The following VHL variants were observed in gnomAD, a reference collection of about 807,000 sequenced individuals.
VHL encodes the protein von Hippel-Lindau tumor suppressor.
In VHL, 10 loss-of-function variants were observed where a neutral mutation model predicts 19.2. That is an observed-to-expected ratio of 0.52 (90% CI 0.32 to 0.89). VHL has a LOEUF of 0.89. Ranked by LOEUF, VHL falls within the 40% of genes least tolerant of loss-of-function variation. The probability of loss-of-function intolerance (pLI) is 0.03; values close to 1 mark genes in which losing one functional copy is unlikely to be tolerated. For synonymous variants in VHL, 167 were observed against 129.5 expected (o/e 1.29, Z -1.97); for missense variants, 328 against 292.7 (o/e 1.12, Z -0.88).
chr3:10,146,504 G>A lies in VHL; in HGVS notation c.341-10G>A, dbSNP rs140064807. ...TGTGGCTCTTTAACAACCTTTGCTT[G>A]TCCCGATAGGTCACCTTTGGCTCTT... is the stretch of plus-strand genomic sequence containing the variant. On this transcript the variant is annotated splice_polypyrimidine_tract_variant and intron_variant, in intron 1 of 2. Coordinates refer to ENST00000256474, the MANE Select transcript of VHL (RefSeq NM_000551.4). 1 of 1,613,364 alleles carries A rather than the reference G, an allele frequency of 6.2e-7. No homozygotes were observed. The highest frequency in any genetic ancestry group is 8.5e-7 in the Non-Finnish European group (1 of 1,179,494).
At chr3:10,146,786 T>C (rs1369098699) in intron 2 of VHL, 150 bp downstream of exon 2, 1 of 1,103,356 alleles carries the variant, frequency 9.1e-7, no homozygotes, top group Admixed American at 1.9e-5. Flanking sequence ...ATAAATAAAA[T>C]GGAAGTGATG....
In VHL at chr3:10,150,176, C is replaced by G. The variant is rs1429641363; in HGVS notation, c.*211C>G. The G allele has an allele frequency of 4.2e-6, 6 of 1,422,464 alleles. No individual in the cohort carries two copies. Among genetic ancestry groups the G allele is most frequent in the Non-Finnish European group, 4.6e-6 (5 of 1,088,208 alleles). 88.1% of individuals were successfully genotyped at this position (1,422,464 alleles called of 1,614,324 possible). On this transcript the variant is annotated 3_prime_UTR_variant, in exon 3 of 3. Coordinates refer to ENST00000256474, the MANE Select transcript of VHL (RefSeq NM_000551.4). ...TCACAAAATGTAATTTAATGCCTGC[C>G]CATTAGAGAAGTATTTATCAGGAGA...
In VHL at chr3:10,152,864, C is replaced by G. The variant is rs1057459387; in HGVS notation, c.*2899C>G. On this transcript the variant is annotated 3_prime_UTR_variant, in exon 3 of 3. Transcript: ENST00000256474. Reference sequence around the variant, plus strand: ...GCTCCTCTTGTTAAAACCTGCAGGCCGAGCACAGTGGCTCATGCCTGTAAT... The same window carrying G: ...GCTCCTCTTGTTAAAACCTGCAGGCGGAGCACAGTGGCTCATGCCTGTAAT... 6.6e-6 allele frequency among the ~76,000 whole-genome samples: 1 copy of G among 152,064 alleles called. No homozygotes were observed. The highest frequency in any genetic ancestry group is 1.5e-5 in the Non-Finnish European group (1 of 68,018).
chr3:10,146,473 C>A lies in VHL; in HGVS notation c.341-41C>A, dbSNP rs1431049410. ...ACAGGTGTGGGCCACCGTGCCCAGC[C>A]ACCGGTGTGGCTCTTTAACAACCTT... On this transcript the variant is annotated intron_variant, in intron 1 of 2. Transcript: ENST00000256474. 3 of 1,611,228 alleles carry A rather than the reference C, an allele frequency of 1.9e-6. No homozygotes were observed. In the East Asian group the frequency reaches 6.7e-5, roughly 36 times the overall value.
At chr3:10,142,512 ATTTTTATAT>A (rs971386878) in intron 1 of VHL, 32 of 349,858 alleles carry the variant, frequency 9.1e-5, no homozygotes, top group African/African-American at 5.9e-4. Flanking sequence ...CGCCCGGCTG[ATTTTTATAT>A]TTTTAGTAGA....
At position 10,146,507 on chromosome 3, in the gene VHL, C is replaced by G. The variant is rs1308495590; in HGVS notation, c.341-7C>G. On this transcript the variant is annotated splice_polypyrimidine_tract_variant and splice_region_variant and intron_variant, in intron 1 of 2. Transcript: ENST00000256474. ...GGCTCTTTAACAACCTTTGCTTGTC[C>G]CGATAGGTCACCTTTGGCTCTTCAG... 6.2e-7 allele frequency: 1 copy of G among 1,613,476 alleles called. No homozygotes were observed. The highest frequency in any genetic ancestry group is 2.2e-5 in the East Asian group (1 of 44,858).
At position 10,141,972 on chromosome 3, in the gene VHL, A is replaced by C. The variant is rs1064796244; in HGVS notation, c.125A>C (p.Glu42Ala). Residue 42 changes from glutamate (E) to alanine (A), a missense_variant, in exon 1 of 3, where the codon GAG becomes GCG. Physicochemically the swap from Glu to Ala is moderately radical, Grantham distance 107. Coordinates refer to ENST00000256474, the MANE Select transcript of VHL (RefSeq NM_000551.4). Reference sequence around the variant, plus strand: ...GGCGCCGAGGAGTCCGGCCCGGAAGAGTCCGGCCCGGAGGAACTGGGCGCC... The same window carrying C: ...GGCGCCGAGGAGTCCGGCCCGGAAGCGTCCGGCCCGGAGGAACTGGGCGCC... ...ESGAEESGPEESGPEELGAEE... is the reference protein window; with the variant it reads ...ESGAEESGPEASGPEELGAEE... 1 of 1,558,662 alleles carries C rather than the reference A, an allele frequency of 6.4e-7. No individual in the cohort carries two copies. Among genetic ancestry groups the C allele is most frequent in the Non-Finnish European group, 8.7e-7 (1 of 1,152,680 alleles).
At chr3:10,142,237 T>C (rs939045044) in intron 1 of VHL, 50 bp downstream of exon 1, 1 of 1,563,352 alleles carries the variant, frequency 6.4e-7, no homozygotes, top group Non-Finnish European at 8.6e-7. Flanking sequence ...TAGCACGGTC[T>C]GAAGCCCCTC....
At position 10,151,349 on chromosome 3, in the gene VHL, A is replaced by G; in HGVS notation, c.*1384A>G. 1 of 215,904 alleles carries G rather than the reference A, an allele frequency of 4.6e-6. No homozygotes were observed. Among genetic ancestry groups the G allele is most frequent in the East Asian group, 7.0e-5 (1 of 14,382 alleles). The allele number at this position is 215,904 out of a possible 1,614,324, so 13.4% of individuals were successfully genotyped here. A position where few individuals can be genotyped will look rare whatever the true frequency, so the allele number is the denominator to read the frequency against. On this transcript the variant is annotated 3_prime_UTR_variant, in exon 3 of 3. Transcript: ENST00000256474. ...AACTCAAATTCAATGCTTCTATCAG[A>G]CTCAGTTTTTTGTAACTAATAGATT... is the stretch of plus-strand genomic sequence containing the variant.
chr3:10,142,028 C>G lies in VHL; in HGVS notation c.181C>G (p.Pro61Ala), dbSNP rs113612866. 4 of 1,597,790 alleles carry G rather than the reference C, an allele frequency of 2.5e-6. No individual in the cohort carries two copies. In the African/African-American group the frequency reaches 4.0e-5, roughly 16 times the overall value. Residue 61 changes from proline (P) to alanine (A), a missense_variant, in exon 1 of 3, where the codon CCC becomes GCC. Transcript: ENST00000256474. The stretch of plus-strand genomic sequence containing the variant: ...GGAGATGGAGGCCGGGCGGCCGCGG[C>G]CCGTGCTGCGCTCGGTGAACTCGCG... The part of the protein sequence containing the change: ...EEEMEAGRPR[P>A]VLRSVNSREP...
At chr3:10,144,682 CT>C in intron 1 of VHL, among the ~76,000 whole-genome samples, 1 of 151,672 alleles carries the variant, frequency 6.6e-6, no homozygotes. Flanking sequence ...TGGCTAATTT[CT>C]TTTTTTATTT....
At position 10,141,819 on chromosome 3, in the gene VHL, C is replaced by G; in HGVS notation, c.-29C>G. 2 of 1,535,382 alleles carry G rather than the reference C, an allele frequency of 1.3e-6. No homozygotes were observed. Among genetic ancestry groups the G allele is most frequent in the Non-Finnish European group, 1.8e-6 (2 of 1,140,698 alleles). ...TCCGACCCGCGGATCCCGCGGCGTC[C>G]GGCCCGGGTGGTCTGGATCGCGGAG... is the stretch of plus-strand genomic sequence containing the variant. On this transcript the variant is annotated 5_prime_UTR_variant, in exon 1 of 3. Coordinates refer to ENST00000256474, the MANE Select transcript of VHL (RefSeq NM_000551.4).
chr3:10,148,549 C>T (rs1411805260), intron 2 of VHL, among the ~76,000 whole-genome samples: 2 of 151,496 alleles, frequency 1.3e-5, no homozygotes, highest in African/African-American at 2.4e-5. Flanking sequence ...CTCCTGACCT[C>T]GTGATCCGCC....
In VHL at chr3:10,142,953, G is replaced by A. The variant is rs1696163440; in HGVS notation, c.340+766G>A. The A allele has an allele frequency of 6.6e-6, 1 of 152,508 alleles. No homozygotes were observed. The highest frequency in any genetic ancestry group is 2.4e-5 in the African/African-American group (1 of 41,434). 9.4% of individuals were successfully genotyped at this position (152,508 alleles called of 1,614,324 possible). ...GGAGATGGAGGGGTTGCGGTTGTGT[G>A]GTTTCAGTTAAGGAGCACTTCCCGG... is the stretch of plus-strand genomic sequence containing the variant. On this transcript the variant is annotated intron_variant, in intron 1 of 2. Coordinates refer to ENST00000256474, the MANE Select transcript of VHL (RefSeq NM_000551.4).
At position 10,149,981 on chromosome 3, in the gene VHL, C is replaced by G. The variant is rs1380364658; in HGVS notation, c.*16C>G. 1 of 1,610,188 alleles carries G rather than the reference C, an allele frequency of 6.2e-7. No homozygotes were observed. Among genetic ancestry groups the G allele is most frequent in the South Asian group, 1.1e-5 (1 of 90,458 alleles). ...GGGAGATTGAAGATTTCTGTTGAAA[C>G]TTACACTGTTTCATCTCAGCTTTTG... On this transcript the variant is annotated 3_prime_UTR_variant, in exon 3 of 3. Transcript: ENST00000256474.
In VHL at chr3:10,151,214, G is replaced by A. The variant is rs886057716; in HGVS notation, c.*1249G>A. On this transcript the variant is annotated 3_prime_UTR_variant, in exon 3 of 3. Coordinates refer to ENST00000256474, the MANE Select transcript of VHL (RefSeq NM_000551.4). ...CATTTTTTATCAGGCAGGACCAGGT[G>A]GCACTTCCACCTCCAGCCTCTGGTC... The A allele has an allele frequency of 1.6e-4, 33 of 202,198 alleles. No homozygotes were observed. The highest frequency in any genetic ancestry group is 2.8e-4 in the Non-Finnish European group (28 of 98,410). The allele number at this position is 202,198 out of a possible 1,614,324, so 12.5% of individuals were successfully genotyped here.
rs864622379 is a variant in VHL, at chr3:10,141,894, A to C, written c.47A>C (p.Glu16Ala). The change falls in exon 1 of 3, where the codon GAG becomes GCG. Residue 16 changes from glutamate to alanine, a missense_variant. By Grantham distance (107) the Glu-to-Ala change is moderately radical (BLOSUM62 -1). Coordinates refer to ENST00000256474, the MANE Select transcript of VHL (RefSeq NM_000551.4). ...ENWDEAEVGA[E>A]EAGVEEYGPE... is the part of the protein sequence containing the mutation. ...TGGGACGAGGCCGAGGTAGGCGCGG[A>C]GGAGGCAGGCGTCGAAGAGTACGGC... 1 of 1,532,776 alleles carries C rather than the reference A, an allele frequency of 6.5e-7. No individual in the cohort carries two copies. The highest frequency in any genetic ancestry group is 8.8e-7 in the Non-Finnish European group (1 of 1,137,434). The allele number at this position is 1,532,776 out of a possible 1,614,324, so 94.9% of individuals were successfully genotyped here. A position where few individuals can be genotyped will look rare whatever the true frequency, so the allele number is the denominator to read the frequency against.
chr3:10,142,091 C>T lies in VHL; in HGVS notation c.244C>T (p.Arg82Cys), dbSNP rs1214305423. 1.9e-6 allele frequency: 3 copies of T among 1,604,870 alleles called. No homozygotes were observed. The highest frequency in any genetic ancestry group is 2.5e-6 in the Non-Finnish European group (3 of 1,179,668). ...SQVIFCNRSP[R>C]VVLPVWLNFD... ...GGTCATCTTCTGCAATCGCAGTCCG[C>T]GCGTCGTGCTGCCCGTATGGCTCAA... is the stretch of plus-strand genomic sequence containing the variant. The change falls in exon 1 of 3, where the codon CGC becomes TGC. Residue 82 changes from arginine (R) to cysteine (C), a missense_variant. Arg to Cys is a radical substitution (Grantham distance 180, BLOSUM62 -3). Coordinates refer to ENST00000256474, the MANE Select transcript of VHL (RefSeq NM_000551.4).
chr3:10,150,690 T>TTA lies in VHL; in HGVS notation c.*726_*727insAT. 4.3e-6 allele frequency: 1 copy of TTA among 234,104 alleles called. No homozygotes were observed. The highest frequency in any genetic ancestry group is 8.4e-6 in the Non-Finnish European group (1 of 118,650). 14.5% of individuals were successfully genotyped at this position (234,104 alleles called of 1,614,324 possible). ...TGTTGAAGTGCTGTTTTATTACTGT[T>TTA]TCTAAACTAGGATTGACATTCTACA... On this transcript the variant is annotated 3_prime_UTR_variant, in exon 3 of 3. Coordinates refer to ENST00000256474, the MANE Select transcript of VHL (RefSeq NM_000551.4).
Sources: gnomAD v4.1 joint callset for allele counts (sites outside exome capture counted in the v4.1 genomes callset) on GRCh38, gnomAD v4.1.1 for gene constraint, MANE v1.5 for transcripts, NCBI Gene and HGNC (gene_info 2026-07-23, HGNC 2026-07-21) for gene names.